Variants in L1TD1 observed in about 807,000 individuals in gnomAD.
The protein encoded by L1TD1 is LINE-1 type transposase domain-containing protein 1.
Under a neutral mutation model 25.7 loss-of-function variants are expected in L1TD1, and 26 were observed. That is an observed-to-expected ratio of 1.01 (90% CI 0.74 to 1.40). The LOEUF (loss-of-function observed/expected upper bound fraction) is 1.40, where lower values mean the gene tolerates loss of function less well. L1TD1 is among the 40% of genes most tolerant of loss of function. L1TD1 has a pLI of 0.00. For missense variants in L1TD1, 1,130 were observed against 975.0 expected (o/e 1.16, Z -2.12); for synonymous variants, 421 against 335.6 (o/e 1.25, Z -2.78).
chr1:62,210,807 T>C lies in L1TD1; in HGVS notation c.2033T>C (p.Met678Thr). ...ATTGAAGAATTCTCTAAGGATACAA[T>C]GCAAATGACCAAACAGATAATTAGT... Reference protein sequence around the residue: ...DQIEEFSKDTMQMTKQIISKE... With the variant: ...DQIEEFSKDTTQMTKQIISKE... Residue 678 changes from methionine (M) to threonine (T), a missense_variant, in exon 4 of 4, where the codon ATG becomes ACG. Coordinates refer to ENST00000498273, the MANE Select transcript of L1TD1 (RefSeq NM_019079.5). 1.9e-6 allele frequency: 3 copies of C among 1,549,924 alleles called. 1 individual carries two copies. The highest frequency in any genetic ancestry group is 2.4e-5 in the South Asian group (2 of 83,578).
chr1:62,210,432 T>TA lies in L1TD1; in HGVS notation c.1659dup (p.Cys554MetfsTer14). 6.2e-7 allele frequency: 1 copy of TA among 1,614,168 alleles called. No individual in the cohort carries two copies. The highest frequency in any genetic ancestry group is 8.5e-7 in the Non-Finnish European group (1 of 1,180,040). On this transcript the variant is annotated frameshift_variant, in exon 4 of 4. Coordinates refer to ENST00000498273, the MANE Select transcript of L1TD1 (RefSeq NM_019079.5). LOFTEE classifies it low-confidence loss of function (END_TRUNC). ...GGAACTGGCACACCCTGTCTGACCT[T>TA]ATGTTTGGCCTCTCCCTCAAAGTCA...
In L1TD1 at chr1:62,211,052, A is replaced by G. The variant is rs558783861; in HGVS notation, c.2278A>G (p.Ile760Val). 1 of 1,551,102 alleles carries G rather than the reference A, an allele frequency of 6.4e-7. No individual in the cohort carries two copies. Among genetic ancestry groups the G allele is most frequent in the East Asian group, 2.4e-5 (1 of 40,898 alleles). ...IDEKRLTPRHILVKFWNSSDK... is the reference protein window; with the variant it reads ...IDEKRLTPRHVLVKFWNSSDK... ...TGAAAAGAGACTGACTCCTAGACAC[A>G]TCTTGGTGAAATTTTGGAATTCTAG... Residue 760 changes from isoleucine (I) to valine (V), a missense_variant, in exon 4 of 4, where the codon ATC (isoleucine) becomes GTC (valine). Physicochemically the swap from Ile to Val is conservative, Grantham distance 29. Coordinates refer to ENST00000498273, the MANE Select transcript of L1TD1 (RefSeq NM_019079.5).
intron 2 of L1TD1, among the ~76,000 whole-genome samples, chr1:62,199,814 C>G (rs901497701): frequency 6.6e-6 from 1 of 152,148 alleles, no homozygotes; most frequent in Non-Finnish European, 1.5e-5. Flanking sequence ...CTGAAAAGGT[C>G]AAAAAATCCC....
chr1:62,210,747 T>C lies in L1TD1; in HGVS notation c.1973T>C (p.Ile658Thr). The C allele has an allele frequency of 3.2e-6, 5 of 1,551,602 alleles. No homozygotes were observed. The highest frequency in any genetic ancestry group is 4.4e-6 in the Non-Finnish European group (5 of 1,146,970). ...SVDDLSSRMD[I>T]LEERIDSLED... ...GATGATCTGAGTAGCAGAATGGACA[T>C]ACTTGAAGAAAGAATAGACAGTCTA... Residue 658 changes from isoleucine to threonine, a missense_variant, in exon 4 of 4, where the codon ATA becomes ACA. By Grantham distance (89) the Ile-to-Thr change is moderately conservative (BLOSUM62 -1). Transcript: ENST00000498273.
rs1400453348 is a variant in L1TD1, at chr1:62,211,200, A to G, written c.2426A>G (p.Asn809Ser). 3.9e-6 allele frequency: 6 copies of G among 1,553,168 alleles called. No individual in the cohort carries two copies. In the African/African-American group the frequency reaches 5.5e-5, roughly 14 times the overall value. The change falls in exon 4 of 4, where the codon AAT (asparagine) becomes AGT (serine). Residue 809 changes from asparagine (N) to serine (S), a missense_variant. Asn to Ser is a conservative substitution (Grantham distance 46). Coordinates refer to ENST00000498273, the MANE Select transcript of L1TD1 (RefSeq NM_019079.5). Reference sequence around the variant, plus strand: ...CTGGATGCTAGAAGTAAATGGAGCAATGTCTTCAAAGTTCTGCTGGAAAAA... The same window carrying G: ...CTGGATGCTAGAAGTAAATGGAGCAGTGTCTTCAAAGTTCTGCTGGAAAAA... Reference protein sequence around the residue: ...DTLDARSKWSNVFKVLLEKGF... With the variant: ...DTLDARSKWSSVFKVLLEKGF...
At chr1:62,202,702 G>T in intron 2 of L1TD1, among the ~76,000 whole-genome samples, 1 of 112,126 alleles carries the variant, frequency 8.9e-6, no homozygotes, top group African/African-American at 3.5e-5. Context: ...TTGAGACAGA[G>T]TCTTGCTCTT....
In L1TD1 at chr1:62,206,784, G is replaced by T; in HGVS notation, c.156G>T (p.Met52Ile). The change falls in exon 3 of 4, where the codon ATG (methionine) becomes ATT (isoleucine). Residue 52 changes from methionine (M) to isoleucine (I), a missense_variant. Coordinates refer to ENST00000498273, the MANE Select transcript of L1TD1 (RefSeq NM_019079.5). ...AATGCAAGGACGTATCAGCAATTATGAATAAGTTTAAGGTCTTAATGGAAA... is the reference window on the plus strand; with the variant it reads ...AATGCAAGGACGTATCAGCAATTATTAATAAGTTTAAGGTCTTAATGGAAA... ...DLKCKDVSAIMNKFKVLMEIQ... is the reference protein window; with the variant it reads ...DLKCKDVSAIINKFKVLMEIQ... 6.4e-7 allele frequency: 1 copy of T among 1,570,546 alleles called. No individual in the cohort carries two copies. The highest frequency in any genetic ancestry group is 2.3e-5 in the East Asian group (1 of 43,304).
intron 2 of L1TD1, among the ~76,000 whole-genome samples, chr1:62,203,403 G>T (rs545341173): frequency 6.6e-6 from 1 of 151,992 alleles, no homozygotes; most frequent in South Asian, 2.1e-4. Flanking sequence ...ACCCTTCCCA[G>T]GCTCTGGTAA....
intron 2 of L1TD1, 33 bp downstream of exon 2, chr1:62,196,561 G>A (rs1670543681): frequency 6.6e-6 from 1 of 151,608 alleles, no homozygotes; most frequent in Admixed American, 6.6e-5. Flanking sequence ...GGTAGGATTA[G>A]TGGCGGGTAA....
chr1:62,198,359 G>T (rs1000523340), intron 2 of L1TD1, among the ~76,000 whole-genome samples: 1 of 151,374 alleles, frequency 6.6e-6, no homozygotes, highest in East Asian at 1.9e-4. Flanking sequence ...TCACCTGTAC[G>T]TTGTGAGAGA....
intron 1 of L1TD1, among the ~76,000 whole-genome samples, chr1:62,196,097 T>C (rs1670534017): frequency 6.6e-6 from 1 of 152,222 alleles, no homozygotes; most frequent in South Asian, 2.1e-4. Flanking sequence ...GTAATAACTT[T>C]TGCATTTTCT....
At position 62,210,444 on chromosome 1, in the gene L1TD1, C is replaced by G; in HGVS notation, c.1670C>G (p.Ser557Cys). 6.2e-7 allele frequency: 1 copy of G among 1,614,138 alleles called. No homozygotes were observed. Among genetic ancestry groups the G allele is most frequent in the Non-Finnish European group, 8.5e-7 (1 of 1,180,034 alleles). ...GTPCLTLCLA[S>C]PSKSLEMSHD... is the part of the protein sequence containing the mutation. ...CCCTGTCTGACCTTATGTTTGGCCT[C>G]TCCCTCAAAGTCACTAGAGATGAGT... The change falls in exon 4 of 4, where the codon TCT becomes TGT. Residue 557 changes from serine to cysteine, a missense_variant. Physicochemically the swap from Ser to Cys is moderately radical, Grantham distance 112. Coordinates refer to ENST00000498273, the MANE Select transcript of L1TD1 (RefSeq NM_019079.5).
intron 2 of L1TD1, among the ~76,000 whole-genome samples, chr1:62,199,467 C>T (rs1358572788): frequency 6.7e-6 from 1 of 149,646 alleles, no homozygotes; most frequent in Non-Finnish European, 1.5e-5. Context: ...CACTGCACTC[C>T]AGCCTAATCC....
intron 2 of L1TD1, among the ~76,000 whole-genome samples, chr1:62,200,825 C>A (rs1415534373): frequency 6.6e-6 from 1 of 152,040 alleles, no homozygotes; most frequent in African/African-American, 2.4e-5. Flanking sequence ...ATTATGTACT[C>A]AACTCCTGGG....
Position 62,210,093 on chromosome 1 carries a change from CAG to C in L1TD1, c.1321_1322del (p.Glu441ThrfsTer16). On this transcript the variant is annotated frameshift_variant, in exon 4 of 4. Transcript: ENST00000498273. LOFTEE classifies it low-confidence loss of function (END_TRUNC). ...CTAGAGGAGGAAGAGGAACAGACTT[CAG>C]AACAGGACTCAACCTTTCAGGGTCA... The C allele has an allele frequency of 6.2e-7, 1 of 1,613,862 alleles. No homozygotes were observed. The highest frequency in any genetic ancestry group is 2.2e-5 in the East Asian group (1 of 44,898).
chr1:62,205,055 A>G (rs1224127592), intron 2 of L1TD1, among the ~76,000 whole-genome samples: 1 of 152,016 alleles, frequency 6.6e-6, no homozygotes, highest in East Asian at 1.9e-4. Context: ...CTGTACTCTA[A>G]AAATCAATAT....
chr1:62,211,405 C>T lies in L1TD1; in HGVS notation c.*33C>T. 2.0e-6 allele frequency: 3 copies of T among 1,535,412 alleles called. No individual in the cohort carries two copies. Among genetic ancestry groups the T allele is most frequent in the South Asian group, 1.3e-5 (1 of 76,814 alleles). On this transcript the variant is annotated 3_prime_UTR_variant, in exon 4 of 4. Coordinates refer to ENST00000498273, the MANE Select transcript of L1TD1 (RefSeq NM_019079.5). ...GGGTGACTACAAACAATATGCTTTC[C>T]TCCCCCAGCATGCATCCAAAAATCA... is the stretch of plus-strand genomic sequence containing the variant.
chr1:62,207,064 T>C lies in L1TD1; in HGVS notation c.436T>C (p.Leu146=). The change falls in exon 3 of 4, where the codon TTA becomes CTA. Residue 146 remains leucine, a synonymous_variant. Transcript: ENST00000498273. ...AGAAGTAAATGAGCTGAGTGGTAAATTAGACAACACTAACGAATACAATAG... is the reference window on the plus strand; with the variant it reads ...AGAAGTAAATGAGCTGAGTGGTAAACTAGACAACACTAACGAATACAATAG... The part of the protein sequence containing the change: ...KLEVNELSGK[L]DNTNEYNSND... The C allele has an allele frequency of 6.2e-7, 1 of 1,613,838 alleles. No individual in the cohort carries two copies. The highest frequency in any genetic ancestry group is 8.5e-7 in the Non-Finnish European group (1 of 1,179,906).
Position 62,211,274 on chromosome 1 carries a change from A to AG in L1TD1, c.2504dup (p.Lys836Ter), listed in dbSNP as rs760847269. 49 of 1,610,514 alleles carry AG rather than the reference A, an allele frequency of 3.0e-5. No individual in the cohort carries two copies. In the African/African-American group the frequency reaches 5.5e-4, roughly 18 times the overall value. On this transcript the variant is annotated frameshift_variant, in exon 4 of 4. Coordinates refer to ENST00000498273, the MANE Select transcript of L1TD1 (RefSeq NM_019079.5). LOFTEE classifies it low-confidence loss of function (END_TRUNC). ...TCCAGCCAAAATGGCATTTGATTTTAGGGGTAAAACAAAGGTATTTCTTAG... is the reference window on the plus strand; with the variant it reads ...TCCAGCCAAAATGGCATTTGATTTTAGGGGGTAAAACAAAGGTATTTCTTAG...
Sources: gnomAD v4.1 joint callset for allele counts (sites outside exome capture counted in the v4.1 genomes callset) on GRCh38, gnomAD v4.1.1 for gene constraint, MANE v1.5 for transcripts, NCBI Gene and HGNC (gene_info 2026-07-23, HGNC 2026-07-21) for gene names.